GRIN2A: variants seen among roughly 807,000 people sequenced by gnomAD.
The protein encoded by GRIN2A is glutamate receptor ionotropic, NMDA 2A.
A neutral mutation model predicts 113.4 loss-of-function variants in GRIN2A; 22 were observed. That is an observed-to-expected ratio of 0.19 (90% CI 0.14 to 0.28). The LOEUF is 0.28. Ranked by LOEUF, GRIN2A falls within the 10% of genes least tolerant of loss-of-function variation. GRIN2A has a pLI of 1.00. For synonymous variants in GRIN2A, 827 were observed against 738.4 expected, an observed-to-expected ratio of 1.12 and a Z score of -1.94; for missense variants, 1,502 against 1,887.0, an observed-to-expected ratio of 0.80 and a Z score of 3.78.
chr16:10,132,640 T>C (rs2142223434), intron 2 of GRIN2A, among the ~76,000 whole-genome samples: 1 of 152,338 alleles, frequency 6.6e-6, no homozygotes, highest in African/African-American at 2.4e-5. Flanking sequence ...ACTAGATCTG[T>C]CATTTTAAGC....
At chr16:10,035,200 A>G (rs2047002365) in intron 2 of GRIN2A, among the ~76,000 whole-genome samples, 1 of 151,972 alleles carries the variant, frequency 6.6e-6, no homozygotes, top group Non-Finnish European at 1.5e-5. Context: ...TAATTTTTGT[A>G]TTTTTTGTAG....
At chr16:10,019,338 A>G (rs1386442539) in intron 2 of GRIN2A, among the ~76,000 whole-genome samples, 1 of 152,210 alleles carries the variant, frequency 6.6e-6, no homozygotes, top group African/African-American at 2.4e-5. Context: ...TTAAGTTGTA[A>G]AAATTAGAAT....
chr16:9,763,225 G>T lies in GRIN2A; in HGVS notation c.4319C>A (p.Ser1440Tyr). The change falls in exon 13 of 13, where the codon TCT becomes TAT. Residue 1440 changes from serine (S) to tyrosine (Y), a missense_variant. Coordinates refer to ENST00000330684, the MANE Select transcript of GRIN2A (RefSeq NM_001134407.3). Reference protein sequence around the residue: ...PYAANKNNMYSTPRVLNSCSN... With the variant: ...PYAANKNNMYYTPRVLNSCSN... The stretch of plus-strand genomic sequence containing the variant: ...GCAGGAATTTAAAACCCTGGGGGTA[G>T]AGTACATATTATTCTTATTTGCAGC... 1 of 1,613,854 alleles carries T rather than the reference G, an allele frequency of 6.2e-7. No individual in the cohort carries two copies.
At chr16:9,981,618 T>C (rs563168894) in intron 2 of GRIN2A, among the ~76,000 whole-genome samples, 1 of 152,210 alleles carries the variant, frequency 6.6e-6, no homozygotes, top group African/African-American at 2.4e-5. Context: ...GACTCCTTTT[T>C]ACAAATATCA....
At chr16:9,922,504 C>T (rs7184809) in intron 3 of GRIN2A, among the ~76,000 whole-genome samples, 1 of 152,144 alleles carries the variant, frequency 6.6e-6, no homozygotes, top group Admixed American at 6.5e-5. Flanking sequence ...CATCTGGACC[C>T]AGTTTTCTAT....
Position 9,990,489 on chromosome 16 carries a change from C to T in GRIN2A, c.415-51938G>A, listed in dbSNP as rs185796873. ...ATTAGAGGCTCAAACTTCAGCATTACATAATATGTCTATGTAACAAACCTG... is the reference window on the plus strand; with the variant it reads ...ATTAGAGGCTCAAACTTCAGCATTATATAATATGTCTATGTAACAAACCTG... On this transcript the variant is annotated intron_variant, in intron 2 of 12. Transcript: ENST00000330684. 2.6e-5 allele frequency among the ~76,000 whole-genome samples: 4 copies of T among 151,964 alleles called. No homozygotes were observed. In the East Asian group the frequency reaches 7.8e-4, roughly 30 times the overall value.
At chr16:10,071,504 A>G (rs138154656) in intron 2 of GRIN2A, among the ~76,000 whole-genome samples, 253 of 152,302 alleles carry the variant, frequency 1.7e-3, no homozygotes, top group African/African-American at 5.5e-3. Flanking sequence ...CCCTAATAAC[A>G]CTGTATTGAG....
rs1380600632 is a variant in GRIN2A at position 9,753,851 on chromosome 16, G to C, written c.*9298C>G. The stretch of plus-strand genomic sequence containing the variant: ...AGACATCAAGTCAGTTCTGATGTGG[G>C]TTTTGGATTCTGTTTGAATGTAGCT... On this transcript the variant is annotated 3_prime_UTR_variant, in exon 13 of 13. Transcript: ENST00000330684. 1 of 179,058 alleles carries C rather than the reference G, an allele frequency of 5.6e-6. No homozygotes were observed. The highest frequency in any genetic ancestry group is 1.2e-5 in the Non-Finnish European group (1 of 83,584). 11.1% of individuals were successfully genotyped at this position (179,058 alleles called of 1,614,324 possible).
chr16:10,082,048 G>A (rs770077644), intron 2 of GRIN2A, among the ~76,000 whole-genome samples: 6 of 152,172 alleles, frequency 3.9e-5, no homozygotes, highest in Non-Finnish European at 8.8e-5. Flanking sequence ...AGAGAAATCA[G>A]CTCCAAGCAA....
intron 11 of GRIN2A, among the ~76,000 whole-genome samples, chr16:9,791,648 C>T (rs1043652399): frequency 2.6e-5 from 4 of 152,170 alleles, no homozygotes; most frequent in African/African-American, 9.7e-5. Context: ...AGGATATTAG[C>T]AACCCATCCA....
At chr16:9,833,823 G>T (rs1217123921) in intron 8 of GRIN2A, among the ~76,000 whole-genome samples, 1 of 152,036 alleles carries the variant, frequency 6.6e-6, no homozygotes, top group South Asian at 2.1e-4. Flanking sequence ...GGTTTTAAGC[G>T]ATTCTCCTGC....
At chr16:10,090,058 T>G (rs1230651028) in intron 2 of GRIN2A, among the ~76,000 whole-genome samples, 1 of 152,176 alleles carries the variant, frequency 6.6e-6, no homozygotes, top group African/African-American at 2.4e-5. Context: ...ATTTTACAGC[T>G]TTTTTAGTAT....
chr16:9,767,502 T>G (rs1406393317), intron 12 of GRIN2A, among the ~76,000 whole-genome samples: 2 of 151,956 alleles, frequency 1.3e-5, no homozygotes, highest in East Asian at 3.9e-4. Context: ...TTGCTGCAAT[T>G]AGATGTTTTT....
chr16:9,775,112 A>G (rs1901516711), intron 11 of GRIN2A, among the ~76,000 whole-genome samples: 1 of 152,232 alleles, frequency 6.6e-6, no homozygotes, highest in Admixed American at 6.5e-5. Flanking sequence ...TCATTTGTGA[A>G]AAATCCATTT....
Position 10,168,705 on chromosome 16 carries a change from G to A in GRIN2A, c.414+11293C>T, listed in dbSNP as rs996387827. ...CTCTTGGCCAGGTGCCGTGGCTAAC[G>A]CCTGTAGTCCAGCACTTTAGGAGGC... On this transcript the variant is annotated intron_variant, in intron 2 of 12. Coordinates refer to ENST00000330684, the MANE Select transcript of GRIN2A (RefSeq NM_001134407.3). Among the ~76,000 whole-genome samples, 11 of 152,068 alleles carry A rather than the reference G, an allele frequency of 7.2e-5. No homozygotes were observed. The East Asian group carries it at 7.7e-4, about 11-fold the overall frequency.
chr16:10,132,231 C>T (rs960027907), intron 2 of GRIN2A, among the ~76,000 whole-genome samples: 2 of 150,606 alleles, frequency 1.3e-5, no homozygotes, highest in South Asian at 4.2e-4. Flanking sequence ...ACTCAGGAAC[C>T]TGAGGCAGGA....
At chr16:9,908,280 A>G (rs999437213) in intron 3 of GRIN2A, among the ~76,000 whole-genome samples, 3 of 152,106 alleles carry the variant, frequency 2.0e-5, no homozygotes, top group Non-Finnish European at 4.4e-5. Context: ...CATAATTGCA[A>G]GGTCACCCTC....
chr16:9,872,147 G>A (rs1439570735), intron 4 of GRIN2A, among the ~76,000 whole-genome samples: 3 of 152,084 alleles, frequency 2.0e-5, no homozygotes, highest in African/African-American at 7.2e-5. Context: ...AACCCCAAGG[G>A]GTGGGTATTA....
rs749144109 is a variant in GRIN2A at position 9,763,866 on chromosome 16, G to A, written c.3678C>T (p.Gly1226=). Residue 1226 remains glycine (G), a synonymous_variant, in exon 13 of 13, where the codon GGC becomes GGT. Coordinates refer to ENST00000330684, the MANE Select transcript of GRIN2A (RefSeq NM_001134407.3). ...TGAAGGGGGACCTCATGGTGAAGTG[G>A]CCTGAATAGGTGGGCATGTTGGAAA... ...SCLSNMPTYS[G]HFTMRSPFKC... 4.3e-6 allele frequency: 7 copies of A among 1,613,982 alleles called. No individual in the cohort carries two copies. Among genetic ancestry groups the A allele is most frequent in the African/African-American group, 2.7e-5 (2 of 74,898 alleles).
Sources: allele counts gnomAD v4.1 joint callset (sites outside exome capture counted in the v4.1 genomes callset), GRCh38; gene constraint gnomAD v4.1.1; transcripts MANE v1.5; gene names NCBI Gene and HGNC (gene_info 2026-07-23, HGNC 2026-07-21).